The following WDR64 variants were observed in gnomAD, a reference collection of about 807,000 sequenced individuals.
The protein encoded by WDR64 is WD repeat domain 64, also known as WD repeat-containing protein 64.
Under a neutral mutation model 139.3 loss-of-function variants are expected in WDR64, and 112 were observed. The observed-to-expected ratio is 0.80, with a 90% CI of 0.69 to 0.94. The LOEUF (loss-of-function observed/expected upper bound fraction) is 0.94. WDR64 is among the 40% of genes least tolerant of loss of function. The probability of loss-of-function intolerance (pLI) is 0.00; values close to 1 mark genes in which losing one functional copy is unlikely to be tolerated. For missense variants in WDR64, 1,206 were observed against 1,293.1 expected, an observed-to-expected ratio of 0.93 and a Z score of 1.03; for synonymous variants, 444 against 437.7, an observed-to-expected ratio of 1.01 and a Z score of -0.18.
At chr1:241,795,710 G>A (rs144575464) in intron 26 of WDR64, among the ~76,000 whole-genome samples, 2 of 152,054 alleles carry the variant, frequency 1.3e-5, no homozygotes, top group East Asian at 3.9e-4. Flanking sequence ...CTGCCCCCCT[G>A]CCCAGAATTC....
chr1:241,699,529 T>A (rs149534542), intron 8 of WDR64, among the ~76,000 whole-genome samples: 13 of 151,852 alleles, frequency 8.6e-5, no homozygotes, highest in Admixed American at 7.9e-4. Flanking sequence ...GATACAGATG[T>A]AAGAGAGGGG....
intron 24 of WDR64, among the ~76,000 whole-genome samples, chr1:241,789,725 C>T (rs562137610): frequency 7.2e-5 from 11 of 151,962 alleles, no homozygotes; most frequent in Non-Finnish European, 1.6e-4. Context: ...TACACTGGGG[C>T]CTACTTGAGG....
At chr1:241,717,251 G>A (rs1258135922) in intron 9 of WDR64, among the ~76,000 whole-genome samples, 1 of 152,164 alleles carries the variant, frequency 6.6e-6, no homozygotes, top group Non-Finnish European at 1.5e-5. Flanking sequence ...TCACTGTAGT[G>A]ATGTCTCCCT....
At chr1:241,734,451 C>T (rs963656854) in intron 10 of WDR64, among the ~76,000 whole-genome samples, 1 of 152,094 alleles carries the variant, frequency 6.6e-6, no homozygotes, top group African/African-American at 2.4e-5. Context: ...CCCAAAGCAA[C>T]TAATATATTG....
At position 241,671,162 on chromosome 1, in the gene WDR64, G is replaced by T; in HGVS notation, c.365G>T (p.Arg122Leu). Reference sequence around the variant, plus strand: ...GTTTTCTTTGTGTCTAGAAAAAGGCGAATTTTAATTTCAGGTGACATTTTA... The same window carrying T: ...GTTTTCTTTGTGTCTAGAAAAAGGCTAATTTTAATTTCAGGTGACATTTTA... ...NLVFFVSRKRRILISGSRRRD... is the reference protein window; with the variant it reads ...NLVFFVSRKRLILISGSRRRD... Residue 122 changes from arginine (R) to leucine (L), a missense_variant, in exon 3 of 28, where the codon CGA becomes CTA. Arg to Leu is a moderately radical substitution (Grantham distance 102, BLOSUM62 -2). Transcript: ENST00000437684. 6.5e-7 allele frequency: 1 copy of T among 1,547,606 alleles called. No homozygotes were observed.
intron 15 of WDR64, among the ~76,000 whole-genome samples, chr1:241,763,442 G>C (rs1370438459): frequency 6.6e-6 from 1 of 152,168 alleles, no homozygotes; most frequent in East Asian, 1.9e-4. Context: ...AGGCACAGTG[G>C]CTCACACCTG....
At chr1:241,734,659 A>G (rs1669224024) in intron 10 of WDR64, among the ~76,000 whole-genome samples, 1 of 152,202 alleles carries the variant, frequency 6.6e-6, no homozygotes, top group Non-Finnish European at 1.5e-5. Context: ...GAAAAAAAAG[A>G]GTCAAATAGG....
intron 8 of WDR64, among the ~76,000 whole-genome samples, chr1:241,710,915 G>A (rs969403743): frequency 1.3e-5 from 2 of 152,110 alleles, no homozygotes; most frequent in Admixed American, 1.3e-4. Flanking sequence ...ATGGGATTTG[G>A]GTTGGGAATG....
intron 4 of WDR64, chr1:241,676,526 A>C (rs1264357742): frequency 6.6e-6 from 1 of 152,200 alleles, no homozygotes; most frequent in East Asian, 1.9e-4. Context: ...TGGTATCTAG[A>C]AAATAATAGG....
chr1:241,729,738 C>T (rs1669006360), intron 10 of WDR64, among the ~76,000 whole-genome samples: 1 of 152,150 alleles, frequency 6.6e-6, no homozygotes, highest in Non-Finnish European at 1.5e-5. Flanking sequence ...GATAGAAAAA[C>T]TAACCTTTTA....
At chr1:241,689,188 T>G (rs1426728311) in intron 8 of WDR64, among the ~76,000 whole-genome samples, 1 of 152,154 alleles carries the variant, frequency 6.6e-6, no homozygotes, top group African/African-American at 2.4e-5. Context: ...CACAGCTTAC[T>G]GACATGTTAC....
chr1:241,675,965 GTTAA>G (rs1171535800), intron 4 of WDR64: 1 of 152,112 alleles, frequency 6.6e-6, no homozygotes, highest in Admixed American at 6.5e-5. Flanking sequence ...AATCTTTGGT[GTTAA>G]TTATTTTAAA....
chr1:241,723,010 A>C (rs902154088), intron 9 of WDR64, among the ~76,000 whole-genome samples: 1 of 152,218 alleles, frequency 6.6e-6, no homozygotes, highest in African/African-American at 2.4e-5. Flanking sequence ...ACATTAATGC[A>C]TCAAAGTATA....
intron 21 of WDR64, among the ~76,000 whole-genome samples, chr1:241,777,255 T>C (rs768722095): frequency 6.6e-6 from 1 of 151,928 alleles, no homozygotes; most frequent in Non-Finnish European, 1.5e-5. Context: ...TTTTTTCCTG[T>C]AGAGACAGGT....
intron 13 of WDR64, 61 bp from the exon 14 acceptor site, chr1:241,749,486 G>T: frequency 6.4e-7 from 1 of 1,559,540 alleles, no homozygotes; most frequent in South Asian, 1.2e-5. Flanking sequence ...TTCTCTGAGC[G>T]AAAAGCCAAG....
intron 2 of WDR64, among the ~76,000 whole-genome samples, chr1:241,670,191 C>T (rs1331071331): frequency 1.3e-5 from 2 of 151,976 alleles, no homozygotes; most frequent in Admixed American, 6.6e-5. Flanking sequence ...TTATATAATT[C>T]GACAGTTTAT....
chr1:241,717,453 ATCTC>A (rs767173153), intron 9 of WDR64, among the ~76,000 whole-genome samples: 121 of 152,106 alleles, frequency 8.0e-4, no homozygotes, highest in Non-Finnish European at 1.2e-3. Flanking sequence ...ACTAGATGCT[ATCTC>A]TCTCCTGCTT....
rs1314208889 is a variant in WDR64 at position 241,656,908 on chromosome 1, G to GTGTC, written c.146-3615_146-3612dup. 5.4e-5 allele frequency among the ~76,000 whole-genome samples: 8 copies of GTGTC among 147,868 alleles called. No homozygotes were observed. The highest frequency in any genetic ancestry group is 8.9e-5 in the Non-Finnish European group (6 of 67,680). On this transcript the variant is annotated intron_variant, in intron 1 of 27. Transcript: ENST00000437684. This position sits in a 1 kb window ranked among gnomAD's most constrained non-coding sequence, Gnocchi z 4.3. ...TGTGTGTGTGTGTGTGTGTGTGTGT[G>GTGTC]TGTCTGTCTGGGGATGGAGGTGAGG...
In WDR64 at chr1:241,764,493, T is replaced by A. The variant is rs542654412; in HGVS notation, c.1948-1725T>A. ...CATAGGCCCCATCTCTACAAAAAAA[T>A]TTTTAAAAATTTAAAAAAATTATTT... is the stretch of plus-strand genomic sequence containing the variant. On this transcript the variant is annotated intron_variant, in intron 15 of 27. Coordinates refer to ENST00000437684, the MANE Select transcript of WDR64 (RefSeq NM_001367482.1). Among the ~76,000 whole-genome samples, 9 of 150,566 alleles carry A rather than the reference T, an allele frequency of 6.0e-5. No homozygotes were observed. In the East Asian group the frequency reaches 6.5e-4, roughly 11 times the overall value.
Sources: gnomAD v4.1 joint callset for allele counts (sites outside exome capture counted in the v4.1 genomes callset) on GRCh38, gnomAD v4.1.1 for gene constraint, Gnocchi (gnomAD v3.1) non-coding constraint, MANE v1.5 for transcripts, NCBI Gene and HGNC (gene_info 2026-07-23, HGNC 2026-07-21) for gene names.